The following TBC1D19 variants were observed in gnomAD, a reference collection of about 807,000 sequenced individuals.
The protein encoded by TBC1D19 is TBC1 domain family, member 19.
Under a neutral mutation model 89.0 loss-of-function variants are expected in TBC1D19, and 60 were observed. The observed-to-expected ratio is 0.67, with a 90% CI of 0.55 to 0.84. The LOEUF is 0.84. Ranked by LOEUF, TBC1D19 falls within the 40% of genes least tolerant of loss-of-function variation. TBC1D19 has a pLI of 0.00. For missense variants in TBC1D19, 500 were observed against 610.8 expected, an observed-to-expected ratio of 0.82 and a Z score of 1.91; for synonymous variants, 189 against 199.7, an observed-to-expected ratio of 0.95 and a Z score of 0.45.
intron 1 of TBC1D19, among the ~76,000 whole-genome samples, chr4:26,587,190 T>G (rs1219092569): frequency 6.6e-6 from 1 of 152,194 alleles, no homozygotes; most frequent in Non-Finnish European, 1.5e-5. Flanking sequence ...CTGAGATAAA[T>G]TCCACTTGGT....
At chr4:26,743,186 A>G (rs1216091572) in intron 18 of TBC1D19, among the ~76,000 whole-genome samples, 1 of 152,084 alleles carries the variant, frequency 6.6e-6, no homozygotes, top group Non-Finnish European at 1.5e-5. Context: ...AAAAATGTCT[A>G]AAGCAAGAGA....
chr4:26,792,274 G>C, the TBC1D19 span, among the ~76,000 whole-genome samples: 1 of 151,814 alleles, frequency 6.6e-6, no homozygotes, highest in Non-Finnish European at 1.5e-5. Flanking sequence ...AAAAAAAGAA[G>C]AGGTTTATAC....
chr4:26,581,974 CTT>C (rs763498376), upstream of TBC1D19, among the ~76,000 whole-genome samples: 15 of 141,834 alleles, frequency 1.1e-4, no homozygotes, highest in South Asian at 2.3e-4. Flanking sequence ...GATTAAGGGA[CTT>C]TTTTTTTTTT....
In TBC1D19 at chr4:26,600,705, A is replaced by C. The variant is rs1480229237; in HGVS notation, c.100-12464A>C. The stretch of plus-strand genomic sequence containing the variant: ...TCAGCTTGGGGATGTCAGCAAAAGA[A>C]AACCAGTGAGGGATCCATCCTCAGG... On this transcript the variant is annotated intron_variant, in intron 1 of 20. Transcript: ENST00000264866. 3.3e-5 allele frequency among the ~76,000 whole-genome samples: 5 copies of C among 152,338 alleles called. No homozygotes were observed. The East Asian group carries it at 9.6e-4, about 29-fold the overall frequency.
chr4:26,705,790 G>A lies in TBC1D19; in HGVS notation c.955-12143G>A, dbSNP rs185226140. ...TTGTTTTGGCTATTTGGGGTTTCTCGTAGGGTCTTTGGTGTTGGTATCAAG... is the reference window on the plus strand; with the variant it reads ...TTGTTTTGGCTATTTGGGGTTTCTCATAGGGTCTTTGGTGTTGGTATCAAG... On this transcript the variant is annotated intron_variant, in intron 13 of 20. Transcript: ENST00000264866. 7.2e-4 allele frequency among the ~76,000 whole-genome samples: 109 copies of A among 152,154 alleles called. 1 individual carries two copies. The East Asian group carries it at 0.018, about 25-fold the overall frequency.
At chr4:26,805,360 C>A in the TBC1D19 span, among the ~76,000 whole-genome samples, 3 of 152,094 alleles carry the variant, frequency 2.0e-5, no homozygotes, top group South Asian at 2.1e-4. Context: ...CTTTGGGAAC[C>A]CCAGCCCCTG....
At chr4:26,646,725 A>G (rs181119409) in intron 7 of TBC1D19, among the ~76,000 whole-genome samples, 125 of 152,252 alleles carry the variant, frequency 8.2e-4, no homozygotes, top group Non-Finnish European at 1.5e-3. Flanking sequence ...GCATGTTCTC[A>G]CTCATAGGTG....
the TBC1D19 span, among the ~76,000 whole-genome samples, chr4:26,850,561 A>G: frequency 6.7e-6 from 1 of 149,650 alleles, no homozygotes; most frequent in Non-Finnish European, 1.5e-5. Flanking sequence ...AAAAAAAAAA[A>G]AGAAGAAGAA....
chr4:26,657,207 G>T lies in TBC1D19; in HGVS notation c.481-2390G>T, dbSNP rs546922357. ...CCCATCAACCTGTCACCTGCATTAG[G>T]TATTTCTCCTAATGCTGTCCCTCCC... On this transcript the variant is annotated intron_variant, in intron 7 of 20. Transcript: ENST00000264866. Among the ~76,000 whole-genome samples the T allele has an allele frequency of 7.2e-5, 11 of 151,748 alleles. No individual in the cohort carries two copies. The South Asian group carries it at 2.1e-3, about 29-fold the overall frequency.
the TBC1D19 span, among the ~76,000 whole-genome samples, chr4:26,816,677 A>T: frequency 0.86 from 131,277 of 152,134 alleles, 56,723 homozygotes; most frequent in South Asian, 0.91. Context: ...CAAACCCAGG[A>T]TGAGGGGCAT....
At chr4:26,673,909 G>T in intron 11 of TBC1D19, 21 bp downstream of exon 11, 2 of 1,448,896 alleles carry the variant, frequency 1.4e-6, no homozygotes, top group Non-Finnish European at 1.9e-6. Flanking sequence ...AAAAAGGGTG[G>T]GTCAGATTTT....
At chr4:26,819,549 G>A in the TBC1D19 span, among the ~76,000 whole-genome samples, 10 of 152,264 alleles carry the variant, frequency 6.6e-5, no homozygotes, top group East Asian at 1.7e-3. Context: ...CCAGATGATG[G>A]CAACAGCCAC....
chr4:26,662,314 G>A (rs1745268677), intron 8 of TBC1D19, among the ~76,000 whole-genome samples: 1 of 151,988 alleles, frequency 6.6e-6, no homozygotes, highest in Admixed American at 6.6e-5. Context: ...ATGAAAAGGA[G>A]GTTTTGGGAT....
intron 3 of TBC1D19, among the ~76,000 whole-genome samples, chr4:26,617,957 T>A (rs1032863525): frequency 6.6e-6 from 1 of 152,220 alleles, no homozygotes; most frequent in Admixed American, 6.5e-5. Flanking sequence ...GGATGTTAGA[T>A]AATGGATACC....
intron 13 of TBC1D19, 50 bp from the exon 14 acceptor site, chr4:26,717,883 G>T (rs761302819): frequency 6.9e-6 from 10 of 1,440,968 alleles, no homozygotes; most frequent in South Asian, 1.2e-5. Context: ...TGAATTACCT[G>T]GTTTTATAAT....
intron 4 of TBC1D19, among the ~76,000 whole-genome samples, chr4:26,631,509 T>C (rs954490706): frequency 3.3e-5 from 5 of 152,098 alleles, no homozygotes; most frequent in African/African-American, 1.2e-4. Flanking sequence ...ACTCAGATAA[T>C]ATACCTCATT....
chr4:26,851,334 T>TATCTATCTATCA, the TBC1D19 span, among the ~76,000 whole-genome samples: 4 of 152,018 alleles, frequency 2.6e-5, no homozygotes, highest in Non-Finnish European at 4.4e-5. Flanking sequence ...TCTATCTATC[T>TATCTATCTATCA]ATCTATCTAT....
At chr4:26,582,785 CT>C (rs1553892179), upstream of TBC1D19, among the ~76,000 whole-genome samples, 3 of 152,154 alleles carry the variant, frequency 2.0e-5, no homozygotes, top group Non-Finnish European at 2.9e-5. Flanking sequence ...GATAAACCAA[CT>C]TTACCAAATT....
At chr4:26,646,430 A>G (rs1187628357) in intron 7 of TBC1D19, among the ~76,000 whole-genome samples, 1 of 152,200 alleles carries the variant, frequency 6.6e-6, no homozygotes, top group African/African-American at 2.4e-5. Context: ...TAGAACTAGA[A>G]ATACCATTTG....
Sources: allele counts gnomAD v4.1 joint callset (sites outside exome capture counted in the v4.1 genomes callset), GRCh38; gene constraint gnomAD v4.1.1; transcripts MANE v1.5; gene names NCBI Gene and HGNC (gene_info 2026-07-23, HGNC 2026-07-21).